The following STK3 variants were observed in gnomAD, a reference collection of about 807,000 sequenced individuals.
The protein encoded by STK3 is serine/threonine-protein kinase 3.
STK3 carries 41 observed loss-of-function variants against 58.0 expected under a neutral mutation model. That is an observed-to-expected ratio of 0.71 (90% CI 0.55 to 0.92). The LOEUF is 0.92. STK3 is among the 40% of genes least tolerant of loss of function. STK3 has a pLI of 0.00. For synonymous variants in STK3, 170 were observed against 191.0 expected (o/e 0.89, Z 0.91); for missense variants, 479 against 602.7 (o/e 0.79, Z 2.15).
intron 10 of STK3, among the ~76,000 whole-genome samples, chr8:98,510,581 A>T (rs1188948271): frequency 6.6e-6 from 1 of 151,912 alleles, no homozygotes; most frequent in African/African-American, 2.4e-5. Context: ...ATTTAAATGC[A>T]GTTTTTTTTT....
At chr8:98,854,130 T>C (rs1459807218) in intron 3 of STK3, among the ~76,000 whole-genome samples, 9 of 147,860 alleles carry the variant, frequency 6.1e-5, no homozygotes, top group African/African-American at 2.4e-4. Context: ...AGTAAAACTA[T>C]ATTTATTTAT....
intron 1 of STK3, among the ~76,000 whole-genome samples, chr8:98,920,373 G>A (rs1301349703): frequency 6.6e-6 from 1 of 152,202 alleles, no homozygotes; most frequent in Non-Finnish European, 1.5e-5. Context: ...TAGCAGTAAT[G>A]AGACATAAAC....
At chr8:98,573,396 G>A (rs1483412429) in intron 8 of STK3, among the ~76,000 whole-genome samples, 1 of 152,130 alleles carries the variant, frequency 6.6e-6, no homozygotes. Context: ...GAACTGCTGA[G>A]CAAAGTGGGG....
intron 10 of STK3, among the ~76,000 whole-genome samples, chr8:98,504,596 A>C (rs1314393943): frequency 1.3e-5 from 2 of 152,130 alleles, no homozygotes; most frequent in Non-Finnish European, 2.9e-5. Flanking sequence ...TGGTGACAAA[A>C]TCTCTCAGCA....
chr8:98,825,853 C>T (rs1370414397), upstream of STK3, among the ~76,000 whole-genome samples: 2 of 70,768 alleles, frequency 2.8e-5, no homozygotes, highest in African/African-American at 5.2e-5. Flanking sequence ...GCCCCGCCCC[C>T]GGCCGCCCCG....
chr8:98,828,730 T>G (rs1427155597), upstream of STK3, among the ~76,000 whole-genome samples: 1 of 152,200 alleles, frequency 6.6e-6, no homozygotes, highest in Non-Finnish European at 1.5e-5. Context: ...ACCACCAGCA[T>G]CATCACCCAC....
chr8:98,919,158 G>A (rs1839455457), intron 1 of STK3, among the ~76,000 whole-genome samples: 1 of 152,198 alleles, frequency 6.6e-6, no homozygotes, highest in Admixed American at 6.5e-5. Flanking sequence ...CAGGGGATAA[G>A]AGTTGAGGGA....
intron 6 of STK3, among the ~76,000 whole-genome samples, chr8:98,665,982 C>T (rs1003182876): frequency 2.6e-5 from 4 of 152,020 alleles, no homozygotes; most frequent in Admixed American, 6.6e-5. Context: ...GGATTACAGG[C>T]GTGAGCCACC....
In STK3 at chr8:98,381,281, A is replaced by G. The variant is rs186110189; in HGVS notation, n.57-2074T>C. On this transcript the variant is annotated intron_variant and non_coding_transcript_variant, in intron 1 of 2. Transcript: ENST00000518704. ...CCACCACATGTGGTCTATTGTGTGT[A>G]TTTTAATTTTACCATTTTGTTGACC... 2.0e-5 allele frequency among the ~76,000 whole-genome samples: 3 copies of G among 152,176 alleles called. No homozygotes were observed. The East Asian group carries it at 5.8e-4, about 29-fold the overall frequency.
At chr8:98,427,266 G>A (rs1446029417) in intron 3 of STK3, 1 of 151,402 alleles carries the variant, frequency 6.6e-6, no homozygotes, top group Non-Finnish European at 1.5e-5. Flanking sequence ...CCACCGCCGC[G>A]ATGCTCGCCC....
At chr8:98,582,586 A>G (rs1814017198) in intron 7 of STK3, among the ~76,000 whole-genome samples, 1 of 152,014 alleles carries the variant, frequency 6.6e-6, no homozygotes, top group African/African-American at 2.4e-5. Flanking sequence ...AACACCCCCT[A>G]AAGGCAGGCA....
intron 8 of STK3, among the ~76,000 whole-genome samples, chr8:98,571,454 G>A (rs989526399): frequency 1.3e-5 from 2 of 152,136 alleles, no homozygotes; most frequent in African/African-American, 4.8e-5. Context: ...CACCTGAGGG[G>A]AATGGGTTAT....
intron 9 of STK3, among the ~76,000 whole-genome samples, chr8:98,532,767 T>C (rs888685515): frequency 6.6e-6 from 1 of 152,212 alleles, no homozygotes; most frequent in Non-Finnish European, 1.5e-5. Context: ...AATGTGCCAT[T>C]CAGTAGCATG....
the STK3 span, among the ~76,000 whole-genome samples, chr8:98,352,562 G>A: frequency 6.6e-6 from 1 of 152,118 alleles, no homozygotes; most frequent in Non-Finnish European, 1.5e-5. Context: ...GCTTATTGAG[G>A]GACTACAGCA....
chr8:98,429,309 T>G, intron 3 of STK3: 1 of 1,614,068 alleles, frequency 6.2e-7, no homozygotes, highest in Non-Finnish European at 8.5e-7. Flanking sequence ...TTCGGTCAAT[T>G]TAAGGGACTA....
At chr8:98,826,573 G>A (rs1027037256), upstream of STK3, among the ~76,000 whole-genome samples, 4 of 152,052 alleles carry the variant, frequency 2.6e-5, no homozygotes, top group African/African-American at 9.7e-5. Context: ...CCCCTCTTTG[G>A]TCCTCTCCCC....
intron 6 of STK3, among the ~76,000 whole-genome samples, chr8:98,657,067 T>C (rs1054660650): frequency 6.6e-6 from 1 of 151,954 alleles, no homozygotes; most frequent in African/African-American, 2.4e-5. Context: ...AATAAGCACA[T>C]AAATGAATCA....
At chr8:98,920,221 G>C (rs1839504489) in intron 1 of STK3, among the ~76,000 whole-genome samples, 1 of 152,182 alleles carries the variant, frequency 6.6e-6, no homozygotes, top group Non-Finnish European at 1.5e-5. Context: ...TCCATATGTA[G>C]ATTGTTGTAT....
At chr8:98,454,580 G>A (rs1306851989), downstream of STK3, 1 of 152,394 alleles carries the variant, frequency 6.6e-6, no homozygotes, top group Admixed American at 6.5e-5. Flanking sequence ...TCCCTTGCTT[G>A]GAAAATGCAG....
Sources: gnomAD v4.1 joint callset for allele counts (sites outside exome capture counted in the v4.1 genomes callset) on GRCh38, gnomAD v4.1.1 for gene constraint, MANE v1.5 for transcripts, NCBI Gene and HGNC (gene_info 2026-07-23, HGNC 2026-07-21) for gene names.